HSD17B3: variants seen among roughly 807,000 people sequenced by gnomAD.
The protein encoded by HSD17B3 is 17-beta-hydroxysteroid dehydrogenase type 3.
HSD17B3 carries 29 observed loss-of-function variants against 41.1 expected under a neutral mutation model. That is an observed-to-expected ratio of 0.71 (90% confidence interval 0.53 to 0.96). The LOEUF is 0.96. HSD17B3 is among the 40% of genes least tolerant of loss of function. HSD17B3 has a pLI of 0.00. For synonymous variants in HSD17B3, 126 were observed against 145.6 expected, an observed-to-expected ratio of 0.87 and a Z score of 0.97; for missense variants, 323 against 374.6, an observed-to-expected ratio of 0.86 and a Z score of 1.14.
At chr9:96,301,632 AC>A (rs1191301173) in intron 1 of HSD17B3, among the ~76,000 whole-genome samples, 1 of 148,962 alleles carries the variant, frequency 6.7e-6, no homozygotes, top group East Asian at 2.0e-4. Flanking sequence ...AATTGCTTGA[AC>A]CCAGGAGGCA....
intron 2 of HSD17B3, among the ~76,000 whole-genome samples, chr9:96,288,063 T>C (rs1304102812): frequency 3.3e-5 from 5 of 152,310 alleles, no homozygotes; most frequent in African/African-American, 1.2e-4. Context: ...AACGGCATGT[T>C]GTATGGTGAC....
chr9:96,265,917 G>A (rs923020254), intron 2 of HSD17B3, among the ~76,000 whole-genome samples: 7 of 152,128 alleles, frequency 4.6e-5, no homozygotes, highest in Admixed American at 6.5e-5. Flanking sequence ...CATAAATAAC[G>A]CATCTGATCT....
intron 10 of HSD17B3, among the ~76,000 whole-genome samples, chr9:96,236,845 A>G (rs545187200): frequency 6.6e-6 from 1 of 152,094 alleles, no homozygotes; most frequent in Non-Finnish European, 1.5e-5. Context: ...AATGATTCAC[A>G]GCATAACTTT....
intron 2 of HSD17B3, among the ~76,000 whole-genome samples, chr9:96,261,868 G>A (rs573074507): frequency 3.7e-4 from 56 of 152,328 alleles, no homozygotes; most frequent in Admixed American, 7.8e-4. Flanking sequence ...ACTGTCTTCC[G>A]ATGGCAGTGA....
At chr9:96,250,043 A>C in intron 5 of HSD17B3, 5 of 1,423,558 alleles carry the variant, frequency 3.5e-6, no homozygotes, top group Middle Eastern at 2.6e-4. Flanking sequence ...GAAAACTCGG[A>C]ACTATATTCC....
chr9:96,246,489 C>G, intron 7 of HSD17B3, 67 bp downstream of exon 7: 1 of 1,407,096 alleles, frequency 7.1e-7, no homozygotes, highest in Non-Finnish European at 1.0e-6. Context: ...GTCCCCAGTC[C>G]CTGAGTTAGC....
At position 96,252,700 on chromosome 9, in the gene HSD17B3, G is replaced by A. The variant is rs924642218; in HGVS notation, c.385+103C>T. ...ATGGGACAGCTTAAAATACAGTCAT[G>A]GTTTGAGTATAAATCACCATGAAAT... On this transcript the variant is annotated intron_variant, in intron 4 of 10. Coordinates refer to ENST00000375263, the MANE Select transcript of HSD17B3 (RefSeq NM_000197.2). 8 of 777,158 alleles carry A rather than the reference G, an allele frequency of 1.0e-5. No individual in the cohort carries two copies. In the Admixed American group the frequency reaches 1.4e-4, roughly 13 times the overall value. The allele number at this position is 777,158 out of a possible 1,614,324, so 48.1% of individuals were successfully genotyped here.
rs374148046 is a variant in HSD17B3, at chr9:96,249,819, G to A, written c.454-33C>T. The A allele has an allele frequency of 5.6e-6, 9 of 1,613,626 alleles. No individual in the cohort carries two copies. In the East Asian group the frequency reaches 6.7e-5, roughly 12 times the overall value. Reference sequence around the variant, plus strand: ...AAATAATCACAACCACACATCAGCCGGATGATTAGAGAAATTCTCCTGGAA... The same window carrying A: ...AAATAATCACAACCACACATCAGCCAGATGATTAGAGAAATTCTCCTGGAA... On this transcript the variant is annotated intron_variant, in intron 5 of 10. Coordinates refer to ENST00000375263, the MANE Select transcript of HSD17B3 (RefSeq NM_000197.2).
At chr9:96,237,972 A>C (rs1836293938) in intron 10 of HSD17B3, among the ~76,000 whole-genome samples, 1 of 152,014 alleles carries the variant, frequency 6.6e-6, no homozygotes. Context: ...TCTACCAAAA[A>C]AAAAATTAAA....
At chr9:96,275,989 C>T (rs913077383) in intron 2 of HSD17B3, among the ~76,000 whole-genome samples, 35 of 150,956 alleles carry the variant, frequency 2.3e-4, no homozygotes, top group African/African-American at 5.1e-4. Context: ...TCCAGTGGTA[C>T]GGTGTCTGCA....
intron 6 of HSD17B3, among the ~76,000 whole-genome samples, chr9:96,247,639 C>T (rs1364720440): frequency 6.6e-6 from 1 of 152,286 alleles, no homozygotes. Context: ...AGTGTCAGAC[C>T]GCTTTCCGTG....
At chr9:96,250,375 T>A in intron 5 of HSD17B3, 1 of 1,072,816 alleles carries the variant, frequency 9.3e-7, no homozygotes, top group Non-Finnish European at 1.1e-6. Context: ...AGGAGATGTG[T>A]GGTCCAGAGA....
At chr9:96,277,200 C>CCAAA (rs1826496925) in intron 2 of HSD17B3, among the ~76,000 whole-genome samples, 1 of 139,114 alleles carries the variant, frequency 7.2e-6, no homozygotes. Context: ...GACTCCAGCT[C>CCAAA]AAAAAAAAAA....
At chr9:96,293,651 C>CTG (rs921042434) in intron 2 of HSD17B3, among the ~76,000 whole-genome samples, 1 of 149,952 alleles carries the variant, frequency 6.7e-6, no homozygotes, top group Non-Finnish European at 1.5e-5. Flanking sequence ...GTCTGTGTGT[C>CTG]TGTGTGTGTA....
At chr9:96,243,778 G>A (rs8190554) in intron 9 of HSD17B3, among the ~76,000 whole-genome samples, 8,335 of 152,228 alleles carry the variant, frequency 0.055, 385 homozygotes, top group East Asian at 0.24. Flanking sequence ...TCATCTCCAC[G>A]ATGACCTGTG....
At chr9:96,237,967 CA>C (rs953023437) in intron 10 of HSD17B3, among the ~76,000 whole-genome samples, 3 of 148,430 alleles carry the variant, frequency 2.0e-5, no homozygotes, top group Non-Finnish European at 3.0e-5. Context: ...CAGTCTCTAC[CA>C]AAAAAAAAAT....
At chr9:96,293,081 T>C (rs1190520934) in intron 2 of HSD17B3, among the ~76,000 whole-genome samples, 1 of 152,204 alleles carries the variant, frequency 6.6e-6, no homozygotes, top group Non-Finnish European at 1.5e-5. Flanking sequence ...AAAAGGAATC[T>C]TGGGACATTG....
At chr9:96,267,023 A>C (rs2130753889) in intron 2 of HSD17B3, among the ~76,000 whole-genome samples, 1 of 152,310 alleles carries the variant, frequency 6.6e-6, no homozygotes, top group Middle Eastern at 3.4e-3. Context: ...AACACAAGGC[A>C]TGTCCAGGCA....
chr9:96,276,603 A>C (rs958447689), intron 2 of HSD17B3, among the ~76,000 whole-genome samples: 1 of 152,184 alleles, frequency 6.6e-6, no homozygotes, highest in Non-Finnish European at 1.5e-5. Context: ...ATAAATTCAC[A>C]CATCTACAGT....
Sources: gnomAD v4.1 joint callset for allele counts (sites outside exome capture counted in the v4.1 genomes callset) on GRCh38, gnomAD v4.1.1 for gene constraint, MANE v1.5 for transcripts, NCBI Gene and HGNC (gene_info 2026-07-23, HGNC 2026-07-21) for gene names.